The following TMEM135 variants were observed in gnomAD, a reference collection of about 807,000 sequenced individuals.
TMEM135 encodes the protein transmembrane protein 135, also known as peroxisomal membrane protein 52.
A neutral mutation model predicts 60.3 loss-of-function variants in TMEM135; 30 were observed. That is an observed-to-expected ratio of 0.50 (90% CI 0.37 to 0.68). The LOEUF (loss-of-function observed/expected upper bound fraction) is 0.68. TMEM135 is among the 30% of genes least tolerant of loss of function. The probability of loss-of-function intolerance (pLI) is 0.00; values close to 1 mark genes in which losing one functional copy is unlikely to be tolerated. For missense variants in TMEM135, 468 were observed against 548.8 expected (o/e 0.85, Z 1.47); for synonymous variants, 190 against 186.7 (o/e 1.02, Z -0.14).
At chr11:87,309,224 G>T (rs1177858363) in intron 9 of TMEM135, among the ~76,000 whole-genome samples, 4 of 152,160 alleles carry the variant, frequency 2.6e-5, no homozygotes, top group East Asian at 1.9e-4. Context: ...AAAATGTCAA[G>T]AAATGGAATT....
In TMEM135 at chr11:87,326,092, T is replaced by G. The variant is rs1432195262; in HGVS notation, c.*4759T>G. The stretch of plus-strand genomic sequence containing the variant: ...TACTATAGCTTGCCTGTTCAGTTTT[T>G]TTTTTTTTTAATATTCAGTTTTGTG... On this transcript the variant is annotated 3_prime_UTR_variant, in exon 15 of 15. Coordinates refer to ENST00000305494, the MANE Select transcript of TMEM135 (RefSeq NM_022918.4). 2 of 453,964 alleles carry G rather than the reference T, an allele frequency of 4.4e-6. No homozygotes were observed. Among genetic ancestry groups the G allele is most frequent in the Admixed American group, 4.7e-5 (2 of 42,552 alleles). 28.1% of individuals were successfully genotyped at this position (453,964 alleles called of 1,614,324 possible). A position where few individuals can be genotyped will look rare whatever the true frequency, so the allele number is the denominator to read the frequency against.
chr11:87,056,799 C>T (rs185370840), intron 1 of TMEM135, among the ~76,000 whole-genome samples: 73 of 152,296 alleles, frequency 4.8e-4, no homozygotes, highest in Non-Finnish European at 7.6e-4. Context: ...ACCCAATATT[C>T]ACCCAATTTG....
In TMEM135 at chr11:87,214,278, A is replaced by G. The variant is rs114332592; in HGVS notation, c.463-22360A>G. ...GGTAATGTAATACTTCTGGGGACTT[A>G]CAGGACCAGCAGGTGATCCTCTCCT... is the stretch of plus-strand genomic sequence containing the variant. On this transcript the variant is annotated intron_variant, in intron 5 of 14. Coordinates refer to ENST00000305494, the MANE Select transcript of TMEM135 (RefSeq NM_022918.4). 2.2e-3 allele frequency among the ~76,000 whole-genome samples: 328 copies of G among 152,342 alleles called. 6 individuals are homozygous for G. The highest frequency in any genetic ancestry group is 7.4e-3 in the African/African-American group (308 of 41,588).
chr11:87,294,936 G>T (rs1942323914), intron 6 of TMEM135, among the ~76,000 whole-genome samples: 1 of 151,982 alleles, frequency 6.6e-6, no homozygotes, highest in African/African-American at 2.4e-5. Context: ...ATCTTCCCCA[G>T]CTGAAGAGAG....
intron 6 of TMEM135, 143 bp downstream of exon 6, chr11:87,236,827 G>A: frequency 1.4e-6 from 1 of 739,760 alleles, no homozygotes; most frequent in Non-Finnish European, 2.3e-6. Context: ...AGAGTGGACA[G>A]AGGTAAATCA....
rs78021211 is a variant in TMEM135, at chr11:87,133,869, T to C, written c.397-23472T>C. 4.3e-3 allele frequency among the ~76,000 whole-genome samples: 651 copies of C among 152,346 alleles called. 6 individuals are homozygous for C. The highest frequency in any genetic ancestry group is 0.015 in the African/African-American group (623 of 41,586). ...ATATTTTATTTTGTGTAACAATGGT[T>C]CATTTTTATTGCCGATAAGCATTCT... is the stretch of plus-strand genomic sequence containing the variant. On this transcript the variant is annotated intron_variant, in intron 4 of 14. Coordinates refer to ENST00000305494, the MANE Select transcript of TMEM135 (RefSeq NM_022918.4).
chr11:87,287,814 T>C (rs1312466718), intron 6 of TMEM135, among the ~76,000 whole-genome samples: 1 of 152,234 alleles, frequency 6.6e-6, no homozygotes, highest in Non-Finnish European at 1.5e-5. Context: ...ATAGTTGTTT[T>C]GTGCCTCTTT....
chr11:87,306,770 G>A (rs2135444839), intron 9 of TMEM135, among the ~76,000 whole-genome samples: 1 of 152,138 alleles, frequency 6.6e-6, no homozygotes, highest in South Asian at 2.1e-4. Context: ...CCAGGCTGGA[G>A]TGCAGTGGCA....
At chr11:87,108,721 A>T (rs536988604) in intron 4 of TMEM135, among the ~76,000 whole-genome samples, 1 of 152,192 alleles carries the variant, frequency 6.6e-6, no homozygotes, top group East Asian at 1.9e-4. Flanking sequence ...GCATCCCATA[A>T]ATTTTGGTTT....
At chr11:87,063,391 A>G (rs1949967819) in intron 1 of TMEM135, among the ~76,000 whole-genome samples, 1 of 152,234 alleles carries the variant, frequency 6.6e-6, no homozygotes, top group African/African-American at 2.4e-5. Flanking sequence ...TATTTGGTCA[A>G]AGCATATGAA....
chr11:87,113,696 A>C (rs1857809398), intron 4 of TMEM135, among the ~76,000 whole-genome samples: 1 of 151,994 alleles, frequency 6.6e-6, no homozygotes, highest in Non-Finnish European at 1.5e-5. Context: ...CCCCTGATTT[A>C]CTAGTCTGGG....
chr11:87,144,501 G>A (rs1030018829), intron 4 of TMEM135, among the ~76,000 whole-genome samples: 2 of 152,182 alleles, frequency 1.3e-5, no homozygotes, highest in South Asian at 2.1e-4. Context: ...GCCTGCAGGC[G>A]TTGCTTTTTT....
At chr11:87,060,163 G>A (rs1166000059) in intron 1 of TMEM135, among the ~76,000 whole-genome samples, 3 of 152,296 alleles carry the variant, frequency 2.0e-5, no homozygotes, top group Middle Eastern at 3.4e-3. Flanking sequence ...ACAAGGAAGA[G>A]GGTAAAGTTA....
At chr11:87,317,380 A>AT (rs1184961648) in intron 12 of TMEM135, among the ~76,000 whole-genome samples, 2 of 152,096 alleles carry the variant, frequency 1.3e-5, no homozygotes, top group African/African-American at 4.8e-5. Flanking sequence ...GCCAATGTAT[A>AT]TTTATCTTGT....
At position 87,074,603 on chromosome 11, in the gene TMEM135, A is replaced by G. The variant is rs1856834428; in HGVS notation, c.362+2988A>G. 1.3e-5 allele frequency among the ~76,000 whole-genome samples: 2 copies of G among 152,208 alleles called. 1 individual carries two copies. Among genetic ancestry groups the G allele is most frequent in the South Asian group, 4.1e-4 (2 of 4,826 alleles). ...ACAAACTGTTGAACACCTTTGTAAC[A>G]ATCAACTAGAGTCAATGGTTATTAA... On this transcript the variant is annotated intron_variant, in intron 3 of 14. Coordinates refer to ENST00000305494, the MANE Select transcript of TMEM135 (RefSeq NM_022918.4).
At chr11:87,259,238 G>A (rs1334635959) in intron 6 of TMEM135, 1 of 448,500 alleles carries the variant, frequency 2.2e-6, no homozygotes, top group Admixed American at 3.4e-5. Flanking sequence ...CCGGGGATAG[G>A]GGTTCCCCTG....
chr11:87,255,273 G>C (rs1270816315), intron 6 of TMEM135, among the ~76,000 whole-genome samples: 1 of 152,170 alleles, frequency 6.6e-6, no homozygotes, highest in Non-Finnish European at 1.5e-5. Context: ...ATTTGCAGAG[G>C]AGCAAAATTC....
chr11:87,096,056 C>T, intron 4 of TMEM135: 1 of 224,994 alleles, frequency 4.4e-6, no homozygotes, highest in Middle Eastern at 5.3e-4. Context: ...CTCCATATTG[C>T]CTTCTCTCTA....
chr11:87,259,480 A>G (rs1941600242), intron 6 of TMEM135, among the ~76,000 whole-genome samples: 2 of 152,138 alleles, frequency 1.3e-5, no homozygotes, highest in African/African-American at 4.8e-5. Flanking sequence ...CCATGGGTCT[A>G]TTTCAGACAT....
Sources: gnomAD v4.1 joint callset for allele counts (sites outside exome capture counted in the v4.1 genomes callset) on GRCh38, gnomAD v4.1.1 for gene constraint, MANE v1.5 for transcripts, NCBI Gene and HGNC (gene_info 2026-07-23, HGNC 2026-07-21) for gene names.